The following PRTFDC1 variants were observed in gnomAD, a reference collection of about 807,000 sequenced individuals.
PRTFDC1 encodes phosphoribosyltransferase domain-containing protein 1.
In PRTFDC1, 38 loss-of-function variants were observed where a neutral mutation model predicts 34.6. That is an observed-to-expected ratio of 1.10 (90% CI 0.85 to 1.44). The LOEUF (loss-of-function observed/expected upper bound fraction) is 1.44. PRTFDC1 is among the 40% of genes most tolerant of loss of function. PRTFDC1 has a pLI of 0.00. For missense variants in PRTFDC1, 270 were observed against 283.0 expected (o/e 0.95, Z 0.33); for synonymous variants, 93 against 98.1 (o/e 0.95, Z 0.31).
intron 3 of PRTFDC1, among the ~76,000 whole-genome samples, chr10:24,876,839 C>G (rs982819113): frequency 6.7e-6 from 1 of 148,392 alleles, no homozygotes; most frequent in Non-Finnish European, 1.5e-5. Flanking sequence ...CCCAACCCCC[C>G]GCCCCCCGAC....
At chr10:24,856,859 T>C in intron 6 of PRTFDC1, 54 bp downstream of exon 6, 1 of 1,461,508 alleles carries the variant, frequency 6.8e-7, no homozygotes, top group Non-Finnish European at 9.6e-7. Context: ...TTAGCATCCC[T>C]TTTGGGCTTG....
chr10:24,951,138 A>G (rs143112686), intron 1 of PRTFDC1, among the ~76,000 whole-genome samples: 2 of 152,196 alleles, frequency 1.3e-5, no homozygotes, highest in African/African-American at 4.8e-5. Flanking sequence ...TGCAGTCCAC[A>G]TGGCTACTCC....
chr10:24,895,915 G>A (rs181345260), intron 3 of PRTFDC1, among the ~76,000 whole-genome samples: 37 of 151,840 alleles, frequency 2.4e-4, no homozygotes, highest in Admixed American at 6.6e-4. Flanking sequence ...TTATGTCAAC[G>A]CATATTTAAT....
chr10:24,929,140 G>T (rs1588619462), intron 3 of PRTFDC1, among the ~76,000 whole-genome samples: 1 of 151,820 alleles, frequency 6.6e-6, no homozygotes, highest in Non-Finnish European at 1.5e-5. Flanking sequence ...TCACCCTGGT[G>T]TAGGGTAAAG....
intron 3 of PRTFDC1, among the ~76,000 whole-genome samples, chr10:24,885,791 A>G (rs1291287650): frequency 6.6e-6 from 1 of 152,238 alleles, no homozygotes. Flanking sequence ...TGATGCATCT[A>G]TGCAACGTAT....
chr10:24,934,802 C>T (rs1461280982), intron 3 of PRTFDC1, among the ~76,000 whole-genome samples: 2 of 152,200 alleles, frequency 1.3e-5, no homozygotes, highest in East Asian at 1.9e-4. Context: ...CGCATGTTCT[C>T]AGGATCTCCT....
intron 3 of PRTFDC1, among the ~76,000 whole-genome samples, chr10:24,919,113 T>C (rs1257436678): frequency 6.6e-6 from 1 of 152,232 alleles, no homozygotes; most frequent in Non-Finnish European, 1.5e-5. Context: ...TAGTAATCAA[T>C]CAATATATTA....
intron 3 of PRTFDC1, among the ~76,000 whole-genome samples, chr10:24,881,960 A>G (rs1848085767): frequency 6.6e-6 from 1 of 151,994 alleles, no homozygotes; most frequent in Non-Finnish European, 1.5e-5. Context: ...TAATCCCAGA[A>G]CTTTGGGAGG....
intron 3 of PRTFDC1, among the ~76,000 whole-genome samples, chr10:24,895,055 A>G (rs1177867106): frequency 6.6e-6 from 1 of 152,166 alleles, no homozygotes; most frequent in Admixed American, 6.5e-5. Context: ...CCTACGTCGT[A>G]CCAGTCAATG....
intron 3 of PRTFDC1, among the ~76,000 whole-genome samples, chr10:24,874,290 G>C (rs1023819206): frequency 2.6e-5 from 4 of 152,084 alleles, no homozygotes; most frequent in African/African-American, 9.7e-5. Context: ...TGCTGTTTTT[G>C]TTCATATATC....
intron 3 of PRTFDC1, among the ~76,000 whole-genome samples, chr10:24,931,721 T>TA (rs1360857649): frequency 2.6e-5 from 4 of 151,980 alleles, no homozygotes; most frequent in Admixed American, 1.3e-4. Flanking sequence ...TAATTCCAAT[T>TA]AAAAAAATCT....
chr10:24,922,469 G>C (rs1354415818), intron 3 of PRTFDC1, among the ~76,000 whole-genome samples: 1 of 152,202 alleles, frequency 6.6e-6, no homozygotes, highest in Admixed American at 6.5e-5. Context: ...TGAATCACAG[G>C]GGTGGGGTTT....
At chr10:24,909,482 C>T (rs1237129396) in intron 3 of PRTFDC1, among the ~76,000 whole-genome samples, 2 of 152,196 alleles carry the variant, frequency 1.3e-5, no homozygotes, top group East Asian at 3.9e-4. Context: ...TGTATATAGC[C>T]TTTTTTGTCC....
chr10:24,891,345 C>T (rs1432055959), intron 3 of PRTFDC1, among the ~76,000 whole-genome samples: 2 of 152,024 alleles, frequency 1.3e-5, no homozygotes, highest in Admixed American at 6.6e-5. Context: ...TATAACAAAA[C>T]CTTGCTTTTT....
At chr10:24,854,377 C>T (rs1041403581) in intron 7 of PRTFDC1, among the ~76,000 whole-genome samples, 4 of 152,158 alleles carry the variant, frequency 2.6e-5, no homozygotes, top group Non-Finnish European at 5.9e-5. Context: ...TTAACACATC[C>T]AGCACAGGCA....
chr10:24,852,690 T>C (rs1436060297), intron 7 of PRTFDC1, among the ~76,000 whole-genome samples: 3 of 152,254 alleles, frequency 2.0e-5, no homozygotes, highest in Non-Finnish European at 4.4e-5. Flanking sequence ...CCAGTGATTT[T>C]CAAACTTGTT....
At chr10:24,852,923 T>A (rs1458181657) in intron 7 of PRTFDC1, among the ~76,000 whole-genome samples, 1 of 151,954 alleles carries the variant, frequency 6.6e-6, no homozygotes, top group Non-Finnish European at 1.5e-5. Context: ...GGGGGTTACA[T>A]TATGGAGTCC....
chr10:24,856,113 CAAAAAAAAAAAAAAAAAA>C (rs56982921), intron 6 of PRTFDC1, among the ~76,000 whole-genome samples: 6 of 41,100 alleles, frequency 1.5e-4, no homozygotes, highest in African/African-American at 3.3e-4. Flanking sequence ...GACTCCGTCT[CAAAAAAAAAAAAAAAAAA>C]AAAAAAAAAA....
chr10:24,948,510 T>C (rs1849287840), intron 1 of PRTFDC1, among the ~76,000 whole-genome samples: 1 of 152,348 alleles, frequency 6.6e-6, no homozygotes, highest in South Asian at 2.1e-4. Context: ...TTATTGTTAA[T>C]GGTATAAATG....
Sources: allele counts gnomAD v4.1 joint callset (sites outside exome capture counted in the v4.1 genomes callset), GRCh38; gene constraint gnomAD v4.1.1; transcripts MANE v1.5; gene names NCBI Gene and HGNC (gene_info 2026-07-23, HGNC 2026-07-21).